MAST4: variants seen among roughly 807,000 people sequenced by gnomAD.
The protein encoded by MAST4 is microtubule-associated serine/threonine-protein kinase 4.
Under a neutral mutation model 162.7 loss-of-function variants are expected in MAST4, and 89 were observed. The observed-to-expected ratio is 0.55, with a 90% confidence interval of 0.46 to 0.65. The LOEUF is 0.65. MAST4 is among the 30% of genes least tolerant of loss of function. MAST4 has a pLI of 0.00. For missense variants in MAST4, 3,153 were observed against 3,374.0 expected (o/e 0.93, Z 1.62); for synonymous variants, 1,479 against 1,361.1 (o/e 1.09, Z -1.91).
At chr5:66,996,034 T>C (rs1170314715) in intron 4 of MAST4, among the ~76,000 whole-genome samples, 2 of 152,226 alleles carry the variant, frequency 1.3e-5, no homozygotes, top group East Asian at 1.9e-4. Context: ...TCCCAACACT[T>C]TGGGAGGCTG....
At chr5:66,954,873 C>A (rs982055659) in intron 4 of MAST4, among the ~76,000 whole-genome samples, 1 of 149,904 alleles carries the variant, frequency 6.7e-6, no homozygotes, top group Admixed American at 6.6e-5. Context: ...TGCACTCCAG[C>A]CTGGGCAACA....
intron 3 of MAST4, among the ~76,000 whole-genome samples, chr5:66,883,420 C>CTTTTTTTTTTTTTTTT (rs1484230630): frequency 1.6e-5 from 2 of 125,514 alleles, no homozygotes; most frequent in Non-Finnish European, 3.3e-5. Context: ...TGTTCTGTCA[C>CTTTTTTTTTTTTTTTT]TGTTTTTTTT....
At chr5:66,776,218 G>T (rs987389262) in intron 2 of MAST4, among the ~76,000 whole-genome samples, 2 of 152,100 alleles carry the variant, frequency 1.3e-5, no homozygotes, top group African/African-American at 2.4e-5. Context: ...AAAACTACTG[G>T]TCCCCAACTC....
At position 66,789,610 on chromosome 5, in the gene MAST4, A is replaced by G. The variant is rs1162502125; in HGVS notation, c.642+816A>G. 7 of 415,766 alleles carry G rather than the reference A, an allele frequency of 1.7e-5. No individual in the cohort carries two copies. The East Asian group carries it at 4.4e-4, about 26-fold the overall frequency. 25.8% of individuals were successfully genotyped at this position (415,766 alleles called of 1,614,324 possible). A position where few individuals can be genotyped will look rare whatever the true frequency, so the allele number is the denominator to read the frequency against. On this transcript the variant is annotated intron_variant, in intron 3 of 28. Transcript: ENST00000403625. The stretch of plus-strand genomic sequence containing the variant: ...TTTTTGCATTCCAGGCAAGAATACG[A>G]CACTGGTGATGTCAAGTCCTCTTAA...
chr5:66,720,581 T>C (rs1751138464), intron 1 of MAST4, among the ~76,000 whole-genome samples: 1 of 152,188 alleles, frequency 6.6e-6, no homozygotes, highest in Non-Finnish European at 1.5e-5. Context: ...TCCTATGTTG[T>C]ATAATTGTAT....
chr5:66,623,831 T>A (rs185785088), intron 1 of MAST4, among the ~76,000 whole-genome samples: 19 of 152,332 alleles, frequency 1.2e-4, no homozygotes, highest in Non-Finnish European at 7.3e-5. Context: ...ATTATCTGTT[T>A]GCAGGTGTCA....
chr5:66,866,418 A>G (rs1353346746), intron 3 of MAST4, among the ~76,000 whole-genome samples: 1 of 152,190 alleles, frequency 6.6e-6, no homozygotes, highest in Non-Finnish European at 1.5e-5. Flanking sequence ...CTACTTCTAA[A>G]CGGCACATTT....
In MAST4 at chr5:66,754,885, C is replaced by A. The variant is rs190845448; in HGVS notation, c.364-4824C>A. ...AGAGACCCAGAGGACAGAGGGGGCA[C>A]AATAGCTAATATCTGGAATGTGTCG... On this transcript the variant is annotated intron_variant, in intron 1 of 28. Coordinates refer to ENST00000403625, the MANE Select transcript of MAST4 (RefSeq NM_001164664.2). 1.1e-4 allele frequency among the ~76,000 whole-genome samples: 17 copies of A among 152,212 alleles called. No individual in the cohort carries two copies. The East Asian group carries it at 1.4e-3, about 12-fold the overall frequency.
intron 1 of MAST4, chr5:66,662,839 T>C (rs1253398393): frequency 2.0e-5 from 2 of 102,378 alleles, no homozygotes; most frequent in East Asian, 6.2e-4. Flanking sequence ...AAGTCTTTGA[T>C]AATTTTTTGT....
intron 1 of MAST4, among the ~76,000 whole-genome samples, chr5:66,652,882 T>C (rs971281425): frequency 5.3e-5 from 8 of 152,188 alleles, no homozygotes; most frequent in African/African-American, 1.9e-4. Flanking sequence ...TCATTGCTTC[T>C]CCCCACTAAG....
intron 4 of MAST4, among the ~76,000 whole-genome samples, chr5:66,999,001 A>C (rs1442230301): frequency 1.3e-5 from 2 of 152,110 alleles, no homozygotes; most frequent in Non-Finnish European, 2.9e-5. Flanking sequence ...TGATGCATTG[A>C]TCTCCAAGTG....
At chr5:67,104,693 G>C in intron 10 of MAST4, 118 bp downstream of exon 10, 2 of 374,268 alleles carry the variant, frequency 5.3e-6, no homozygotes, top group Non-Finnish European at 8.9e-6. Flanking sequence ...AAGCAAAAAA[G>C]AAGGAAAAAA....
intron 5 of MAST4, among the ~76,000 whole-genome samples, chr5:67,078,863 A>AATATATATTT (rs1561621412): frequency 1.8e-3 from 170 of 95,026 alleles, no homozygotes; most frequent in African/African-American, 7.6e-3. Flanking sequence ...TATTTATATA[A>AATATATATTT]ATATATATTT....
At chr5:67,097,134 G>A (rs957273853) in intron 7 of MAST4, among the ~76,000 whole-genome samples, 1 of 151,844 alleles carries the variant, frequency 6.6e-6, no homozygotes, top group Non-Finnish European at 1.5e-5. Flanking sequence ...GAAAAATAGG[G>A]GTGAGTTCAG....
chr5:66,839,598 T>G (rs928865001), intron 3 of MAST4, among the ~76,000 whole-genome samples: 3 of 152,094 alleles, frequency 2.0e-5, no homozygotes, highest in Non-Finnish European at 4.4e-5. Context: ...GTTTTTTTTT[T>G]CCCCAAATTG....
At position 67,144,783 on chromosome 5, in the gene MAST4, G is replaced by C. The variant is rs1770862548; in HGVS notation, c.2845G>C (p.Glu949Gln). ...PSTETLSWSS[E>Q]YSEMQQLSTS... ...CACAGAAACACTGAGCTGGAGTTCA[G>C]AATATTCTGAAATGTATGTGAAATG... Residue 949 changes from glutamate to glutamine, a missense_variant, in exon 22 of 29, where the codon GAA becomes CAA. Coordinates refer to ENST00000403625, the MANE Select transcript of MAST4 (RefSeq NM_001164664.2). 2 of 1,607,536 alleles carry C rather than the reference G, an allele frequency of 1.2e-6. No homozygotes were observed. Among genetic ancestry groups the C allele is most frequent in the South Asian group, 1.1e-5 (1 of 90,222 alleles).
intron 4 of MAST4, chr5:66,963,771 G>A (rs1486176579): frequency 5.1e-6 from 4 of 779,618 alleles, no homozygotes; most frequent in Non-Finnish European, 9.6e-6. Flanking sequence ...TCCTCTCTTG[G>A]CCTTTCACTT....
chr5:67,093,369 G>C (rs1764074728), intron 6 of MAST4, among the ~76,000 whole-genome samples: 1 of 152,188 alleles, frequency 6.6e-6, no homozygotes, highest in Non-Finnish European at 1.5e-5. Context: ...AGACAACATT[G>C]TTAGCAGGAT....
chr5:66,826,610 C>A lies in MAST4; in HGVS notation c.642+37816C>A, dbSNP rs184761195. On this transcript the variant is annotated intron_variant, in intron 3 of 28. Coordinates refer to ENST00000403625, the MANE Select transcript of MAST4 (RefSeq NM_001164664.2). Reference sequence around the variant, plus strand: ...ACTGGTTTGTCCTCCCACCACCCCCCCCAATCCCCCGTCTCTTTCTCTGTA... The same window carrying A: ...ACTGGTTTGTCCTCCCACCACCCCCACCAATCCCCCGTCTCTTTCTCTGTA... 1.2e-3 allele frequency among the ~76,000 whole-genome samples: 189 copies of A among 152,234 alleles called. 1 individual carries two copies. The highest frequency in any genetic ancestry group is 3.9e-3 in the African/African-American group (160 of 41,536).
Sources: allele counts gnomAD v4.1 joint callset (sites outside exome capture counted in the v4.1 genomes callset), GRCh38; gene constraint gnomAD v4.1.1; transcripts MANE v1.5; gene names NCBI Gene and HGNC (gene_info 2026-07-23, HGNC 2026-07-21).